UNC5C: variants seen among roughly 807,000 people sequenced by gnomAD.
UNC5C encodes the protein unc-5 netrin receptor C.
In UNC5C, 47 loss-of-function variants were observed where a neutral mutation model predicts 99.8. That is an observed-to-expected ratio of 0.47 (90% confidence interval 0.37 to 0.60). UNC5C has a LOEUF of 0.60. Ranked by LOEUF, UNC5C falls within the 20% of genes least tolerant of loss-of-function variation. UNC5C has a pLI of 0.00. For synonymous variants in UNC5C, 487 were observed against 452.2 expected, an observed-to-expected ratio of 1.08 and a Z score of -0.98; for missense variants, 1,062 against 1,165.9, an observed-to-expected ratio of 0.91 and a Z score of 1.30.
At chr4:95,515,972 T>C (rs148594366) in intron 1 of UNC5C, among the ~76,000 whole-genome samples, 1,700 of 152,312 alleles carry the variant, frequency 0.011, 11 homozygotes, top group African/African-American at 0.024. Context: ...TCTATGTGCA[T>C]GTATGTATGA....
intron 3 of UNC5C, among the ~76,000 whole-genome samples, chr4:95,290,840 C>T (rs1266242702): frequency 6.6e-6 from 1 of 152,138 alleles, no homozygotes; most frequent in Non-Finnish European, 1.5e-5. Context: ...CAAACACTTT[C>T]ATAATATCAT....
chr4:95,418,973 T>C (rs778043477), intron 1 of UNC5C, among the ~76,000 whole-genome samples: 14 of 152,222 alleles, frequency 9.2e-5, no homozygotes, highest in South Asian at 2.1e-4. Context: ...GCCTTTAGTC[T>C]GATTCTGGAA....
At chr4:95,430,381 T>C (rs1405707821) in intron 1 of UNC5C, among the ~76,000 whole-genome samples, 1 of 152,138 alleles carries the variant, frequency 6.6e-6, no homozygotes, top group Non-Finnish European at 1.5e-5. Flanking sequence ...ATTTGTGGAA[T>C]AGGATGAGGA....
intron 2 of UNC5C, among the ~76,000 whole-genome samples, chr4:95,333,692 G>T (rs1743217505): frequency 6.6e-6 from 1 of 152,028 alleles, no homozygotes; most frequent in African/African-American, 2.4e-5. Context: ...TGCACATTGT[G>T]CACATGTACC....
At chr4:95,425,906 C>T (rs1746470939) in intron 1 of UNC5C, among the ~76,000 whole-genome samples, 1 of 152,030 alleles carries the variant, frequency 6.6e-6, no homozygotes, top group Non-Finnish European at 1.5e-5. Flanking sequence ...TTTATTATAA[C>T]TTCAAAGAGT....
At chr4:95,333,717 A>G (rs1003976584) in intron 2 of UNC5C, among the ~76,000 whole-genome samples, 2 of 152,126 alleles carry the variant, frequency 1.3e-5, no homozygotes, top group African/African-American at 4.8e-5. Flanking sequence ...AACTTAAAGT[A>G]TAATAATAAA....
chr4:95,246,400 T>TA (rs1005966719), intron 5 of UNC5C, among the ~76,000 whole-genome samples: 60 of 146,238 alleles, frequency 4.1e-4, no homozygotes, highest in Admixed American at 6.1e-4. Context: ...CCACAAAAAT[T>TA]AAAAAAAAAA....
chr4:95,236,790 C>A (rs927429597), intron 7 of UNC5C, among the ~76,000 whole-genome samples: 1 of 152,114 alleles, frequency 6.6e-6, no homozygotes, highest in African/African-American at 2.4e-5. Context: ...TAGCGGACAT[C>A]ATAAATGATG....
chr4:95,250,624 T>A lies in UNC5C; in HGVS notation c.638A>T (p.Asp213Val), dbSNP rs1490394649. ...KNEDIIDPVE[D>V]RNFYITIDHN... ...ATCAATAGTAATATAAAAATTCCGATCTTCAACGGGATCAATTATGTCTTC... is the reference window on the plus strand; with the variant it reads ...ATCAATAGTAATATAAAAATTCCGAACTTCAACGGGATCAATTATGTCTTC... Residue 213 changes from aspartate (D) to valine (V), a missense_variant, in exon 5 of 16, where the codon GAT (aspartate) becomes GTT (valine). Transcript: ENST00000453304. 2 of 1,613,988 alleles carry A rather than the reference T, an allele frequency of 1.2e-6. No homozygotes were observed. Among genetic ancestry groups the A allele is most frequent in the Non-Finnish European group, 1.7e-6 (2 of 1,179,972 alleles).
In UNC5C at chr4:95,242,478, G is replaced by A. The variant is rs201363473; in HGVS notation, c.1059C>T (p.Asp353=). 19 of 1,613,872 alleles carry A rather than the reference G, an allele frequency of 1.2e-5. No homozygotes were observed. The highest frequency in any genetic ancestry group is 6.7e-5 in the African/African-American group (5 of 74,906). ...AGTTCTTGGATTGCAAGACGAGGCC[G>A]TCGCAGTCCTTGCCTCCATTCTTGG... ...PAPKNGGKDC[D]GLVLQSKNCT... is the part of the protein sequence containing the mutation. Residue 353 remains aspartate (D), a synonymous_variant, in exon 7 of 16, where the codon GAC becomes GAT. Transcript: ENST00000453304.
At chr4:95,336,664 G>A (rs925477932) in intron 1 of UNC5C, among the ~76,000 whole-genome samples, 5 of 151,816 alleles carry the variant, frequency 3.3e-5, no homozygotes, top group Admixed American at 6.6e-5. Flanking sequence ...CAAGTCATAA[G>A]ATAGCTGTCA....
At chr4:95,525,479 A>C (rs887421740) in intron 1 of UNC5C, among the ~76,000 whole-genome samples, 2 of 151,914 alleles carry the variant, frequency 1.3e-5, no homozygotes, top group African/African-American at 4.8e-5. Context: ...TAAATCCCAC[A>C]AGATAAAAAG....
chr4:95,544,693 A>G (rs988423613), intron 1 of UNC5C, among the ~76,000 whole-genome samples: 2 of 152,238 alleles, frequency 1.3e-5, no homozygotes, highest in Non-Finnish European at 2.9e-5. Context: ...CTCTATCCAT[A>G]GAAGCCATTG....
intron 4 of UNC5C, among the ~76,000 whole-genome samples, chr4:95,258,380 T>C (rs944789847): frequency 1.8e-4 from 28 of 152,176 alleles, no homozygotes; most frequent in Non-Finnish European, 2.9e-4. Flanking sequence ...AACTGATTTA[T>C]ACAAGAAAGT....
chr4:95,466,076 C>G (rs1026036596), intron 1 of UNC5C, among the ~76,000 whole-genome samples: 7 of 152,164 alleles, frequency 4.6e-5, no homozygotes, highest in Non-Finnish European at 8.8e-5. Flanking sequence ...CTGAAGTCTT[C>G]AGCCCAGAGA....
At chr4:95,499,739 T>C (rs1274479377) in intron 1 of UNC5C, among the ~76,000 whole-genome samples, 1 of 152,062 alleles carries the variant, frequency 6.6e-6, no homozygotes, top group Non-Finnish European at 1.5e-5. Context: ...TGATCACAGG[T>C]ATCTGCCAAA....
At chr4:95,306,266 G>T (rs192527632) in intron 2 of UNC5C, among the ~76,000 whole-genome samples, 2 of 151,864 alleles carry the variant, frequency 1.3e-5, no homozygotes, top group Admixed American at 1.3e-4. Flanking sequence ...GCAGTGGCGC[G>T]ATCTTGGCTC....
At chr4:95,199,609 TAATC>T (rs762881900) in intron 12 of UNC5C, among the ~76,000 whole-genome samples, 4 of 152,344 alleles carry the variant, frequency 2.6e-5, no homozygotes, top group Middle Eastern at 3.4e-3. Context: ...CTAATTATAA[TAATC>T]AGAATTATTT....
chr4:95,305,606 T>G (rs183234551), intron 2 of UNC5C, among the ~76,000 whole-genome samples: 89 of 152,292 alleles, frequency 5.8e-4, no homozygotes, highest in Admixed American at 8.5e-4. Flanking sequence ...GTAGTTTCCA[T>G]CACATCTGAT....
Sources: allele counts gnomAD v4.1 joint callset (sites outside exome capture counted in the v4.1 genomes callset), GRCh38; gene constraint gnomAD v4.1.1; transcripts MANE v1.5; gene names NCBI Gene and HGNC (gene_info 2026-07-23, HGNC 2026-07-21).